The following NTN1 variants were observed in gnomAD, a reference collection of about 807,000 sequenced individuals.
The protein encoded by NTN1 is netrin-1.
In NTN1, 11 loss-of-function variants were observed where a neutral mutation model predicts 54.2. That is an observed-to-expected ratio of 0.20 (90% CI 0.13 to 0.34). NTN1 has a LOEUF of 0.34. Ranked by LOEUF, NTN1 falls within the 10% of genes least tolerant of loss-of-function variation. The probability of loss-of-function intolerance (pLI) is 1.00; values close to 1 mark genes in which losing one functional copy is unlikely to be tolerated. For missense variants in NTN1, 740 were observed against 893.1 expected (o/e 0.83, Z 2.18); for synonymous variants, 371 against 382.0 (o/e 0.97, Z 0.33).
At chr17:9,074,531 G>T in intron 2 of NTN1, among the ~76,000 whole-genome samples, 1 of 152,206 alleles carries the variant, frequency 6.6e-6, no homozygotes, top group East Asian at 1.9e-4. Context: ...GAAGAATGGA[G>T]CTGACATTTT....
chr17:9,069,314 AG>A (rs995760818), intron 2 of NTN1, among the ~76,000 whole-genome samples: 2 of 152,128 alleles, frequency 1.3e-5, no homozygotes, highest in African/African-American at 4.8e-5. Flanking sequence ...TAAAAAAAAA[AG>A]AATGGAAATT....
intron 5 of NTN1, among the ~76,000 whole-genome samples, chr17:9,210,669 G>A (rs1019164920): frequency 6.6e-6 from 1 of 152,090 alleles, no homozygotes; most frequent in Non-Finnish European, 1.5e-5. Flanking sequence ...CACTTTGGGA[G>A]GCCGAGGCAA....
intron 5 of NTN1, among the ~76,000 whole-genome samples, chr17:9,199,668 A>G (rs771932601): frequency 6.6e-6 from 1 of 152,228 alleles, no homozygotes; most frequent in African/African-American, 2.4e-5. Flanking sequence ...TCACTTGTAC[A>G]TGTGTCCCAT....
At chr17:9,032,437 G>A (rs2091890927) in intron 2 of NTN1, among the ~76,000 whole-genome samples, 1 of 152,132 alleles carries the variant, frequency 6.6e-6, no homozygotes, top group Admixed American at 6.5e-5. Flanking sequence ...CCCAACCTGG[G>A]CCAGGACCCT....
At chr17:9,112,342 G>T (rs2092194542) in intron 2 of NTN1, among the ~76,000 whole-genome samples, 1 of 152,164 alleles carries the variant, frequency 6.6e-6, no homozygotes, top group African/African-American at 2.4e-5. Flanking sequence ...TACAATTTGT[G>T]TAACCCCAAA....
chr17:9,055,161 G>A (rs1001773952), intron 2 of NTN1, among the ~76,000 whole-genome samples: 5 of 152,176 alleles, frequency 3.3e-5, no homozygotes, highest in African/African-American at 1.2e-4. Flanking sequence ...AGACACTTCT[G>A]CACATCTTGC....
At chr17:9,004,136 G>C in the NTN1 span, among the ~76,000 whole-genome samples, 1 of 152,258 alleles carries the variant, frequency 6.6e-6, no homozygotes, top group Non-Finnish European at 1.5e-5. Context: ...GACTGCTCAA[G>C]GCGCGGACGG....
At chr17:9,234,314 A>G (rs1414882103) in intron 6 of NTN1, among the ~76,000 whole-genome samples, 1 of 152,182 alleles carries the variant, frequency 6.6e-6, no homozygotes, top group African/African-American at 2.4e-5. Flanking sequence ...ACCTGCATGC[A>G]GCCTTGTTCA....
At chr17:9,210,420 G>A (rs1905069597) in intron 5 of NTN1, among the ~76,000 whole-genome samples, 1 of 118,462 alleles carries the variant, frequency 8.4e-6, no homozygotes, top group African/African-American at 3.6e-5. Flanking sequence ...ACATGTGCGT[G>A]CACACACACA....
chr17:9,115,840 G>GGCA (rs2092210263), intron 2 of NTN1, among the ~76,000 whole-genome samples: 1 of 152,250 alleles, frequency 6.6e-6, no homozygotes, highest in Non-Finnish European at 1.5e-5. Flanking sequence ...CTGGCGAGGC[G>GGCA]GCAGCAGCCG....
rs952109033 is a variant in NTN1, at chr17:9,165,259, C to T, written c.1207+2258C>T. Among the ~76,000 whole-genome samples the T allele has an allele frequency of 5.3e-5, 8 of 152,222 alleles. No individual in the cohort carries two copies. The highest frequency in any genetic ancestry group is 1.0e-4 in the Non-Finnish European group (7 of 68,044). On this transcript the variant is annotated intron_variant, in intron 3 of 6. Coordinates refer to ENST00000173229, the MANE Select transcript of NTN1 (RefSeq NM_004822.3). The surrounding 1 kb of genome is among the most constrained non-coding windows in gnomAD (Gnocchi z 4.5). ...GCAGGGCCCTGGTCACCTCCACCTA[C>T]ACCCTGTTGCTGTGGACAGGGACAA...
chr17:9,205,931 C>T (rs546594843), intron 5 of NTN1, among the ~76,000 whole-genome samples: 1 of 152,346 alleles, frequency 6.6e-6, no homozygotes, highest in South Asian at 2.1e-4. Flanking sequence ...TTGGTGAGAG[C>T]TTGGCAGGTG....
chr17:9,134,114 C>T (rs2092274189), intron 2 of NTN1, among the ~76,000 whole-genome samples: 2 of 150,446 alleles, frequency 1.3e-5, no homozygotes, highest in South Asian at 2.1e-4. Context: ...CCATGTTGGC[C>T]GGCTGGTCTT....
chr17:9,015,886 C>A, the NTN1 span, among the ~76,000 whole-genome samples: 1 of 152,058 alleles, frequency 6.6e-6, no homozygotes. Context: ...GCCTGGCCAA[C>A]ATAATGAAAC....
chr17:9,108,745 G>T (rs1238121243), intron 2 of NTN1, among the ~76,000 whole-genome samples: 1 of 152,048 alleles, frequency 6.6e-6, no homozygotes, highest in African/African-American at 2.4e-5. Flanking sequence ...GCTGGCTGGT[G>T]GTCCTTTCTG....
Position 9,108,018 on chromosome 17 carries a change from G to A in NTN1, c.1019-54795G>A, listed in dbSNP as rs574743309. Among the ~76,000 whole-genome samples the A allele has an allele frequency of 2.0e-5, 3 of 152,302 alleles. No homozygotes were observed. In the South Asian group the frequency reaches 6.2e-4, roughly 32 times the overall value. ...AGAAATCTTGCTTAGCTCAGGGGCTGTGGGCTCATGACAAAAAAGAATGTA... is the reference window on the plus strand; with the variant it reads ...AGAAATCTTGCTTAGCTCAGGGGCTATGGGCTCATGACAAAAAAGAATGTA... On this transcript the variant is annotated intron_variant, in intron 2 of 6. Coordinates refer to ENST00000173229, the MANE Select transcript of NTN1 (RefSeq NM_004822.3).
Position 9,221,335 on chromosome 17 carries a change from G to A in NTN1, c.1486+93G>A. Reference sequence around the variant, plus strand: ...GGGGTGCAGCTGGCCCCCGATGGGTGTTGGTCGTGAAGACCCTGTGACCGA... The same window carrying A: ...GGGGTGCAGCTGGCCCCCGATGGGTATTGGTCGTGAAGACCCTGTGACCGA... On this transcript the variant is annotated intron_variant, in intron 6 of 6. Coordinates refer to ENST00000173229, the MANE Select transcript of NTN1 (RefSeq NM_004822.3). This position sits in a 1 kb window ranked among gnomAD's most constrained non-coding sequence, Gnocchi z 4.5. 1 of 956,444 alleles carries A rather than the reference G, an allele frequency of 1.0e-6. No individual in the cohort carries two copies. Among genetic ancestry groups the A allele is most frequent in the Non-Finnish European group, 1.7e-6 (1 of 583,944 alleles). 59.2% of individuals were successfully genotyped at this position (956,444 alleles called of 1,614,324 possible).
chr17:9,037,248 C>T (rs2091906331), intron 2 of NTN1, among the ~76,000 whole-genome samples: 1 of 152,168 alleles, frequency 6.6e-6, no homozygotes, highest in Non-Finnish European at 1.5e-5. Context: ...TTTGCTCAGC[C>T]TTATTTCCTT....
chr17:9,069,812 T>G (rs1027276471), intron 2 of NTN1, among the ~76,000 whole-genome samples: 1 of 152,192 alleles, frequency 6.6e-6, no homozygotes, highest in African/African-American at 2.4e-5. Context: ...ATTTAAAGGT[T>G]TCATCTCCTA....
Sources: allele counts gnomAD v4.1 joint callset (sites outside exome capture counted in the v4.1 genomes callset), GRCh38; gene constraint gnomAD v4.1.1; non-coding constraint Gnocchi (gnomAD v3.1); transcripts MANE v1.5; gene names NCBI Gene and HGNC (gene_info 2026-07-23, HGNC 2026-07-21).